The following CAPZB variants were observed in gnomAD, a reference collection of about 807,000 sequenced individuals.
The protein encoded by CAPZB is F-actin-capping protein subunit beta.
A neutral mutation model predicts 38.1 loss-of-function variants in CAPZB; 2 were observed. The ratio of observed to expected loss-of-function variants is 0.05; its 90% CI spans 0.02 to 0.17. CAPZB has a LOEUF of 0.17. Ranked by LOEUF, CAPZB falls within the 10% of genes least tolerant of loss-of-function variation. The pLI, the probability that CAPZB is intolerant of heterozygous loss-of-function variation, is 1.00. For missense variants in CAPZB, 161 were observed against 334.2 expected, an observed-to-expected ratio of 0.48 and a Z score of 4.04; for synonymous variants, 107 against 127.4, an observed-to-expected ratio of 0.84 and a Z score of 1.08.
intron 1 of CAPZB, chr1:19,449,112 C>A: frequency 7.1e-7 from 1 of 1,416,356 alleles, no homozygotes; most frequent in South Asian, 1.5e-5. Flanking sequence ...CCCAGCAGTT[C>A]CATTGCCACA....
chr1:19,360,766 G>A (rs2094048789), intron 4 of CAPZB, among the ~76,000 whole-genome samples: 1 of 152,160 alleles, frequency 6.6e-6, no homozygotes, highest in South Asian at 2.1e-4. Flanking sequence ...CCCACTACGG[G>A]CAGCTTCTCC....
At chr1:19,344,693 G>C (rs1294519618) in intron 7 of CAPZB, among the ~76,000 whole-genome samples, 1 of 152,236 alleles carries the variant, frequency 6.6e-6, no homozygotes, top group African/African-American at 2.4e-5. Flanking sequence ...CCCATGCCTG[G>C]GAGCTGCTCT....
At chr1:19,427,052 C>T (rs894760134) in intron 1 of CAPZB, among the ~76,000 whole-genome samples, 2 of 152,148 alleles carry the variant, frequency 1.3e-5, no homozygotes, top group Non-Finnish European at 2.9e-5. Flanking sequence ...TGGGAAGAAG[C>T]CCAAGGAGCC....
intron 2 of CAPZB, chr1:19,385,888 A>G: frequency 1.8e-6 from 1 of 567,602 alleles, no homozygotes; most frequent in Non-Finnish European, 3.4e-6. Flanking sequence ...TGCAGCTTTA[A>G]TTACCTGGTC....
intron 1 of CAPZB, among the ~76,000 whole-genome samples, chr1:19,426,872 G>A (rs1570236686): frequency 1.3e-5 from 2 of 152,336 alleles, no homozygotes; most frequent in African/African-American, 2.4e-5. Context: ...TGACACAGAA[G>A]GATTTGTCTG....
At chr1:19,416,208 C>A (rs1418828106) in intron 2 of CAPZB, among the ~76,000 whole-genome samples, 2 of 152,252 alleles carry the variant, frequency 1.3e-5, no homozygotes, top group Non-Finnish European at 2.9e-5. Context: ...CCATAATATA[C>A]CTATGTGTTA....
intron 2 of CAPZB, among the ~76,000 whole-genome samples, chr1:19,399,896 A>G (rs1185438597): frequency 6.6e-6 from 1 of 152,220 alleles, no homozygotes; most frequent in African/African-American, 2.4e-5. Context: ...ACAAACCTTT[A>G]CTAAGCAAGG....
intron 1 of CAPZB, among the ~76,000 whole-genome samples, chr1:19,475,413 G>A (rs1215370455): frequency 6.6e-6 from 1 of 152,208 alleles, no homozygotes; most frequent in East Asian, 1.9e-4. Flanking sequence ...CAGGCCAAGC[G>A]CTCAGCGCCC....
At chr1:19,453,539 G>A (rs879561394) in intron 1 of CAPZB, among the ~76,000 whole-genome samples, 10 of 152,172 alleles carry the variant, frequency 6.6e-5, no homozygotes, top group Admixed American at 5.2e-4. Context: ...GTGACTACAG[G>A]CGTGAGCCAC....
chr1:19,425,731 C>T (rs953377683), intron 1 of CAPZB, among the ~76,000 whole-genome samples: 4 of 152,170 alleles, frequency 2.6e-5, no homozygotes. Flanking sequence ...TAAAACCCCA[C>T]CATCTAAATA....
At chr1:19,409,585 G>A (rs1223475725) in intron 2 of CAPZB, among the ~76,000 whole-genome samples, 2 of 152,178 alleles carry the variant, frequency 1.3e-5, no homozygotes, top group African/African-American at 4.8e-5. Flanking sequence ...AAGAGCCCCG[G>A]AGTCAGGTTG....
intron 6 of CAPZB, among the ~76,000 whole-genome samples, chr1:19,350,520 A>G (rs1219274024): frequency 6.6e-6 from 1 of 152,260 alleles, no homozygotes; most frequent in Non-Finnish European, 1.5e-5. Context: ...TTCCCAGGGA[A>G]AGTTACGGTT....
chr1:19,397,548 C>A (rs2094278410), intron 2 of CAPZB, among the ~76,000 whole-genome samples: 1 of 152,218 alleles, frequency 6.6e-6, no homozygotes, highest in Admixed American at 6.5e-5. Flanking sequence ...GAGTCACCAG[C>A]TGGATGGTGG....
chr1:19,423,854 T>A (rs1366643449), intron 1 of CAPZB, among the ~76,000 whole-genome samples: 6 of 152,124 alleles, frequency 3.9e-5, no homozygotes, highest in Non-Finnish European at 7.3e-5. Context: ...TTTTTTGTAG[T>A]TTGGTAGAGA....
chr1:19,478,125 A>G (rs954477019), intron 1 of CAPZB, among the ~76,000 whole-genome samples: 1 of 152,188 alleles, frequency 6.6e-6, no homozygotes, highest in African/African-American at 2.4e-5. Context: ...ATGTGGTAAG[A>G]GCTCTTGAGA....
At chr1:19,393,027 C>T (rs988917006) in intron 2 of CAPZB, among the ~76,000 whole-genome samples, 2 of 152,294 alleles carry the variant, frequency 1.3e-5, no homozygotes, top group African/African-American at 4.8e-5. Context: ...AATCCCCACC[C>T]CACCACCACT....
chr1:19,385,943 G>A (rs2094201744), intron 2 of CAPZB: 9 of 429,788 alleles, frequency 2.1e-5, no homozygotes, highest in African/African-American at 4.1e-5. Context: ...GCTTGGTATT[G>A]GTCTCTGGTG....
intron 2 of CAPZB, among the ~76,000 whole-genome samples, chr1:19,409,468 TAG>T (rs2094348022): frequency 6.6e-6 from 1 of 152,208 alleles, no homozygotes; most frequent in Non-Finnish European, 1.5e-5. Flanking sequence ...TTTCACATAT[TAG>T]GCGTTTGTGT....
chr1:19,479,689 C>T (rs2094620604), intron 1 of CAPZB, among the ~76,000 whole-genome samples: 1 of 152,196 alleles, frequency 6.6e-6, no homozygotes, highest in African/African-American at 2.4e-5. Context: ...TCTCTCCCAT[C>T]TCTTTCACCT....
Sources: allele counts gnomAD v4.1 joint callset (sites outside exome capture counted in the v4.1 genomes callset), GRCh38; gene constraint gnomAD v4.1.1; transcripts MANE v1.5; gene names NCBI Gene and HGNC (gene_info 2026-07-23, HGNC 2026-07-21).